LARS1: variants seen among roughly 807,000 people sequenced by gnomAD.
LARS1 encodes the protein leucyl-tRNA synthetase 1, also known as leucine--tRNA ligase, cytoplasmic.
Under a neutral mutation model 162.8 loss-of-function variants are expected in LARS1, and 100 were observed. The ratio of observed to expected loss-of-function variants is 0.61; its 90% CI spans 0.52 to 0.73. The LOEUF (loss-of-function observed/expected upper bound fraction) is 0.73, where lower values mean the gene tolerates loss of function less well. Among genes scored for constraint, LARS1 ranks in the 30% least tolerant of loss-of-function variants. The pLI, the probability that LARS1 is intolerant of heterozygous loss-of-function variation, is 0.00. For synonymous variants in LARS1, 457 were observed against 462.8 expected (o/e 0.99, Z 0.16); for missense variants, 1,258 against 1,408.9 (o/e 0.89, Z 1.71).
chr5:146,169,693 C>T (rs1330611388), intron 4 of LARS1, among the ~76,000 whole-genome samples: 3 of 151,992 alleles, frequency 2.0e-5, no homozygotes, highest in Non-Finnish European at 4.4e-5. Context: ...GAATTACAGG[C>T]ACCTGCCACC....
At chr5:146,162,293 C>T (rs963439306) in intron 6 of LARS1, among the ~76,000 whole-genome samples, 2 of 152,154 alleles carry the variant, frequency 1.3e-5, no homozygotes, top group Non-Finnish European at 2.9e-5. Flanking sequence ...CAAATGACTC[C>T]TTGATTCATG....
intron 1 of LARS1, among the ~76,000 whole-genome samples, chr5:146,178,618 C>T (rs1754701094): frequency 7.3e-6 from 1 of 137,444 alleles, no homozygotes; most frequent in African/African-American, 2.5e-5. Flanking sequence ...CCATCCCCCA[C>T]CAAAAAAAAA....
intron 21 of LARS1, 38 bp downstream of exon 21, chr5:146,140,166 C>T: frequency 6.6e-7 from 1 of 1,514,610 alleles, no homozygotes; most frequent in South Asian, 1.1e-5. Context: ...AAAAGCCTTC[C>T]ACAGAATTTT....
At chr5:146,148,102 G>C (rs1024128780) in intron 15 of LARS1, among the ~76,000 whole-genome samples, 1 of 152,176 alleles carries the variant, frequency 6.6e-6, no homozygotes, top group African/African-American at 2.4e-5. Context: ...ACATATTTCA[G>C]ACATGAAAAG....
At chr5:146,115,581 CAAA>C (rs58644900) in intron 31 of LARS1, among the ~76,000 whole-genome samples, 2,364 of 19,912 alleles carry the variant, frequency 0.12, 9 homozygotes, top group Non-Finnish European at 0.15. Context: ...AGCGCCTGAC[CAAA>C]AAAAAAAAAA....
Position 146,182,279 on chromosome 5 carries a change from T to G in LARS1, c.6+209A>C, listed in dbSNP as rs1434450178. 3 of 647,474 alleles carry G rather than the reference T, an allele frequency of 4.6e-6. No individual in the cohort carries two copies. The East Asian group carries it at 8.1e-5, about 17-fold the overall frequency. The allele number at this position is 647,474 out of a possible 1,614,324, so 40.1% of individuals were successfully genotyped here. On this transcript the variant is annotated intron_variant, in intron 1 of 31. Transcript: ENST00000394434. ...TTAGAAACTCCAGAGAAATAACAAA[T>G]ATGATATCCAAGTACTCCGTAAAGT...
At chr5:146,151,755 T>C in intron 14 of LARS1, 107 bp downstream of exon 14, 1 of 1,037,748 alleles carries the variant, frequency 9.6e-7, no homozygotes, top group South Asian at 1.6e-5. Context: ...AGCTCTCAAA[T>C]CAATGTATAG....
chr5:146,133,692 CAAAAAAAA>C (rs55993097), intron 22 of LARS1, among the ~76,000 whole-genome samples: 4 of 112,310 alleles, frequency 3.6e-5, no homozygotes, highest in South Asian at 3.1e-4. Flanking sequence ...TATAGGGTTG[CAAAAAAAA>C]AAAAAAAAAA....
In LARS1 at chr5:146,153,179, C is replaced by T. The variant is rs1447275739; in HGVS notation, c.1279G>A (p.Glu427Lys). 1.2e-6 allele frequency: 2 copies of T among 1,612,676 alleles called. No individual in the cohort carries two copies. The highest frequency in any genetic ancestry group is 1.7e-6 in the Non-Finnish European group (2 of 1,179,014). ...TGAATTATCTATGTACTCACCGGCTCAAATGGCAAGACCATGTCATCTCTA... is the reference window on the plus strand; with the variant it reads ...TGAATTATCTATGTACTCACCGGCTTAAATGGCAAGACCATGTCATCTCTA... ...GIRDDMVLPF[E>K]PVPVIEIPGF... is the part of the protein sequence containing the mutation. The change falls in exon 13 of 32, where the codon GAG (glutamate) becomes AAG (lysine). Residue 427 changes from glutamate (E) to lysine (K), a missense_variant. By Grantham distance (56) the Glu-to-Lys change is moderately conservative (BLOSUM62 1). Transcript: ENST00000394434.
intron 4 of LARS1, among the ~76,000 whole-genome samples, chr5:146,170,752 T>C (rs1441668591): frequency 2.0e-5 from 3 of 151,592 alleles, no homozygotes; most frequent in Non-Finnish European, 4.4e-5. Context: ...CCCAGCACTT[T>C]GGGAGGCCGA....
In LARS1 at chr5:146,142,945, A is replaced by C. The variant is rs1259683219; in HGVS notation, c.2017T>G (p.Ser673Ala). 6.2e-7 allele frequency: 1 copy of C among 1,614,014 alleles called. No homozygotes were observed. Among genetic ancestry groups the C allele is most frequent in the Admixed American group, 1.7e-5 (1 of 60,000 alleles). The change falls in exon 20 of 32, where the codon TCT becomes GCT. Residue 673 changes from serine to alanine, a missense_variant. Physicochemically the swap from Ser to Ala is moderately conservative, Grantham distance 99. Coordinates refer to ENST00000394434, the MANE Select transcript of LARS1 (RefSeq NM_020117.11). The stretch of plus-strand genomic sequence containing the variant: ...TGATTTGGAACAAGATCCTTGCCAG[A>C]GACGCGAAGATCAACAGGATACCAG... ...EFWYPVDLRV[S>A]GKDLVPNHLS...
chr5:146,150,834 G>A (rs1476377714), intron 14 of LARS1, among the ~76,000 whole-genome samples: 1 of 151,726 alleles, frequency 6.6e-6, no homozygotes, highest in South Asian at 2.1e-4. Flanking sequence ...AGCTACTCAG[G>A]AGTCTGAGGC....
rs896337197 is a variant in LARS1, at chr5:146,114,050, C to G, written c.*56G>C. The G allele has an allele frequency of 1.5e-6, 2 of 1,349,156 alleles. No individual in the cohort carries two copies. The highest frequency in any genetic ancestry group is 2.1e-6 in the Non-Finnish European group (2 of 941,208). 83.6% of individuals were successfully genotyped at this position (1,349,156 alleles called of 1,614,324 possible). ...GGTTCTGATAGCCAATCAGTAGACA[C>G]AATCAGAGTAGTAGTATTCCTAAGA... On this transcript the variant is annotated 3_prime_UTR_variant, in exon 32 of 32. Transcript: ENST00000394434.
intron 22 of LARS1, among the ~76,000 whole-genome samples, chr5:146,133,471 C>T (rs1041141855): frequency 3.9e-5 from 6 of 152,082 alleles, no homozygotes; most frequent in African/African-American, 1.4e-4. Flanking sequence ...CATTTTAATA[C>T]ATGAGAATAC....
chr5:146,132,652 CTTTA>C (rs1443145121), intron 23 of LARS1: 1 of 319,068 alleles, frequency 3.1e-6, no homozygotes, highest in African/African-American at 2.1e-5. Context: ...GCTTCAGTTT[CTTTA>C]TTTATAAAAT....
chr5:146,137,484 TA>T (rs927995817), intron 21 of LARS1, among the ~76,000 whole-genome samples: 2 of 152,096 alleles, frequency 1.3e-5, no homozygotes, highest in African/African-American at 4.8e-5. Flanking sequence ...CAGTCTGTTT[TA>T]AAAAAATCAC....
chr5:146,175,611 A>G (rs62373811), intron 2 of LARS1, among the ~76,000 whole-genome samples: 33,153 of 150,696 alleles, frequency 0.22, 4,703 homozygotes, highest in Admixed American at 0.33. Context: ...AGGCCGAGGC[A>G]GGCAGATCAC....
intron 21 of LARS1, among the ~76,000 whole-genome samples, chr5:146,139,282 G>A (rs1430033905): frequency 6.6e-6 from 1 of 151,022 alleles, no homozygotes; most frequent in Non-Finnish European, 1.5e-5. Context: ...GGTGGAGGTT[G>A]CAGTGAGCCA....
At chr5:146,117,918 A>G (rs1385774489) in intron 31 of LARS1, among the ~76,000 whole-genome samples, 1 of 152,238 alleles carries the variant, frequency 6.6e-6, no homozygotes, top group Non-Finnish European at 1.5e-5. Context: ...TGCGAATGTA[A>G]ATTTGTATAG....
Sources: gnomAD v4.1 joint callset for allele counts (sites outside exome capture counted in the v4.1 genomes callset) on GRCh38, gnomAD v4.1.1 for gene constraint, MANE v1.5 for transcripts, NCBI Gene and HGNC (gene_info 2026-07-23, HGNC 2026-07-21) for gene names.